DST: variants seen among roughly 807,000 people sequenced by gnomAD.
The protein encoded by DST is dystonin, also known as bullous pemphigoid antigen.
In DST, 253 loss-of-function variants were observed where a neutral mutation model predicts 875.2. The ratio of observed to expected loss-of-function variants is 0.29; its 90% CI spans 0.26 to 0.32. DST has a LOEUF of 0.32. DST is among the 10% of genes least tolerant of loss of function. DST has a pLI of 1.00. For synonymous variants in DST, 3,124 were observed against 3,197.1 expected, an observed-to-expected ratio of 0.98 and a Z score of 0.77; for missense variants, 8,287 against 9,111.6, an observed-to-expected ratio of 0.91 and a Z score of 3.68.
At chr6:56,836,933 T>C (rs1391256251) in intron 4 of DST, among the ~76,000 whole-genome samples, 1 of 151,846 alleles carries the variant, frequency 6.6e-6, no homozygotes, top group African/African-American at 2.4e-5. Flanking sequence ...TTAAAAATTA[T>C]TGAAATATAT....
Position 56,631,002 on chromosome 6 carries a change from C to T in DST, c.4142+209G>A, listed in dbSNP as rs185495484. ...TCCACCATGTTGGCCAAGCTGGTAC[C>T]GAACTCCTGACCTCAGGTGATTCAC... is the stretch of plus-strand genomic sequence containing the variant. On this transcript the variant is annotated intron_variant, in intron 30 of 103. Coordinates refer to ENST00000680361, the MANE Select transcript of DST (RefSeq NM_001374736.1). Among the ~76,000 whole-genome samples the T allele has an allele frequency of 5.8e-4, 88 of 152,042 alleles. 1 individual carries two copies. Among genetic ancestry groups the T allele is most frequent in the Admixed American group, 2.3e-3 (35 of 15,278 alleles).
Position 56,631,205 on chromosome 6 carries a change from A to G in DST, c.4142+6T>C, listed in dbSNP as rs369041973. 3 of 1,586,062 alleles carry G rather than the reference A, an allele frequency of 1.9e-6. No individual in the cohort carries two copies. The highest frequency in any genetic ancestry group is 2.7e-5 in the African/African-American group (2 of 74,402). Reference sequence around the variant, plus strand: ...CAATTTATATATTGAGATAGCAGTTACATACTTATCTATGTAAGTGGAAGA... The same window carrying G: ...CAATTTATATATTGAGATAGCAGTTGCATACTTATCTATGTAAGTGGAAGA... On this transcript the variant is annotated splice_donor_region_variant and intron_variant, in intron 30 of 103. Coordinates refer to ENST00000680361, the MANE Select transcript of DST (RefSeq NM_001374736.1).
rs564995338 is a variant in DST, at chr6:56,645,196, C to T, written c.1778+670G>A. Among the ~76,000 whole-genome samples, 114 of 152,298 alleles carry T rather than the reference C, an allele frequency of 7.5e-4. 1 individual carries two copies. The highest frequency in any genetic ancestry group is 1.3e-3 in the Non-Finnish European group (89 of 68,030). On this transcript the variant is annotated intron_variant, in intron 15 of 103. Transcript: ENST00000680361. ...CCCTGCAAGGTCTAGGTCCTATAGA[C>T]TTCATGGCTAATGAGGAACACAGAT...
chr6:56,822,976 C>T (rs905913748), intron 4 of DST, among the ~76,000 whole-genome samples: 4 of 151,838 alleles, frequency 2.6e-5, no homozygotes, highest in Non-Finnish European at 5.9e-5. Context: ...ACTACAGGTG[C>T]CCGCTACCAA....
chr6:56,582,847 T>A (rs2098045965), intron 49 of DST, among the ~76,000 whole-genome samples: 1 of 152,128 alleles, frequency 6.6e-6, no homozygotes, highest in African/African-American at 2.4e-5. Flanking sequence ...CATGCGGTGT[T>A]TGGTTTTTTG....
At position 56,536,886 on chromosome 6, in the gene DST, A is replaced by G. The variant is rs2152524543; in HGVS notation, c.16663T>C (p.Trp5555Arg). Reference sequence around the variant, plus strand: ...CTCTGAATAAGGCCTTGACCTAACCAGTTTACATCTTGCTGTTTACCTTGC... The same window carrying G: ...CTCTGAATAAGGCCTTGACCTAACCGGTTTACATCTTGCTGTTTACCTTGC... Reference protein sequence around the residue: ...PLQGKQQDVNWLGQGLIQSAA... With the variant: ...PLQGKQQDVNRLGQGLIQSAA... Residue 5555 changes from tryptophan to arginine, a missense_variant, in exon 62 of 104, where the codon TGG (tryptophan) becomes CGG (arginine). Trp to Arg is a moderately radical substitution (Grantham distance 101, BLOSUM62 -3). Around this residue, in one of 10 missense-constraint regions of DST, gnomAD observed 777 missense variants for 764.8 expected, o/e 1.02. Coordinates refer to ENST00000680361, the MANE Select transcript of DST (RefSeq NM_001374736.1). 1 of 1,613,886 alleles carries G rather than the reference A, an allele frequency of 6.2e-7. No individual in the cohort carries two copies. Among genetic ancestry groups the G allele is most frequent in the African/African-American group, 1.3e-5 (1 of 75,028 alleles).
rs762290980 is a variant in DST, at chr6:56,620,187, T to C, written c.4929+4343A>G. ...ATCAGCTTCAAGAGTTCTTCCTCATTGTCTCTCTTTCTTCTTAATTCTTCC... is the reference window on the plus strand; with the variant it reads ...ATCAGCTTCAAGAGTTCTTCCTCATCGTCTCTCTTTCTTCTTAATTCTTCC... On this transcript the variant is annotated intron_variant, in intron 36 of 103. Transcript: ENST00000680361. 4 of 1,613,610 alleles carry C rather than the reference T, an allele frequency of 2.5e-6. No homozygotes were observed. In the East Asian group the frequency reaches 8.9e-5, roughly 36 times the overall value.
At chr6:56,616,789 T>C in intron 36 of DST, 2 of 1,614,214 alleles carry the variant, frequency 1.2e-6, no homozygotes, top group Non-Finnish European at 1.7e-6. Flanking sequence ...CTTGAAACAC[T>C]GACAATGTCT....
intron 3 of DST, among the ~76,000 whole-genome samples, chr6:56,884,665 C>T (rs951153117): frequency 6.6e-6 from 1 of 152,138 alleles, no homozygotes; most frequent in Non-Finnish European, 1.5e-5. Context: ...ACTCCTGGTG[C>T]TGACATGATC....
intron 3 of DST, among the ~76,000 whole-genome samples, chr6:56,863,476 T>C (rs1303493512): frequency 1.3e-5 from 2 of 152,166 alleles, no homozygotes; most frequent in Non-Finnish European, 2.9e-5. Flanking sequence ...ACAGTGCCCA[T>C]CACAGGGCAG....
Position 56,553,252 on chromosome 6 carries a change from T to C in DST, c.15540A>G (p.Pro5180=), listed in dbSNP as rs368976790. The C allele has an allele frequency of 3.1e-5, 50 of 1,613,778 alleles. No individual in the cohort carries two copies. The African/African-American group carries it at 4.4e-4, about 14-fold the overall frequency. Reference sequence around the variant, plus strand: ...GGTTGTTTTGGCATTTGTCTATCCATGGCCAGAGAGTCTCTACTTGCTCTT... The same window carrying C: ...GGTTGTTTTGGCATTTGTCTATCCACGGCCAGAGAGTCTCTACTTGCTCTT... ...KYKEQVETLW[P]WIDKCQNNLE... Residue 5180 remains proline (P), a synonymous_variant, in exon 61 of 104, where the codon CCA becomes CCG. Transcript: ENST00000680361.
At position 56,555,514 on chromosome 6, in the gene DST, T is replaced by C. The variant is rs372933165; in HGVS notation, c.14967A>G (p.Thr4989=). 82 of 1,613,922 alleles carry C rather than the reference T, an allele frequency of 5.1e-5. No homozygotes were observed. Among genetic ancestry groups the C allele is most frequent in the Non-Finnish European group, 6.9e-5 (82 of 1,179,904 alleles). ...HPDAMNQQLE[T]AQKMKQEIQQ... is the part of the protein sequence containing the mutation. ...GTATCTCCTGCTTCATTTTTTGGGC[T>C]GTTTCCAACTGTTGGTTCATAGCAT... Residue 4989 remains threonine, a synonymous_variant, in exon 60 of 104, where the codon ACA becomes ACG. Coordinates refer to ENST00000680361, the MANE Select transcript of DST (RefSeq NM_001374736.1).
chr6:56,718,543 T>C (rs186737252), intron 5 of DST, among the ~76,000 whole-genome samples: 2 of 152,314 alleles, frequency 1.3e-5, no homozygotes, highest in Admixed American at 1.3e-4. Flanking sequence ...GACCCAACAA[T>C]TCCATTTCTA....
chr6:56,942,847 G>C (rs1365875707), intron 2 of DST, among the ~76,000 whole-genome samples: 1 of 150,962 alleles, frequency 6.6e-6, no homozygotes, highest in Non-Finnish European at 1.5e-5. Context: ...CTCCCAAGTA[G>C]TTAGGACTAT....
At chr6:56,933,255 C>G (rs1397314470) in intron 2 of DST, among the ~76,000 whole-genome samples, 1 of 152,186 alleles carries the variant, frequency 6.6e-6, no homozygotes, top group Admixed American at 6.5e-5. Flanking sequence ...TATGACCTGC[C>G]CCCACTTCAA....
rs148742064 is a variant in DST, at chr6:56,534,789, C to G, written c.16941+333G>C. Among the ~76,000 whole-genome samples, 552 of 152,248 alleles carry G rather than the reference C, an allele frequency of 3.6e-3. 5 individuals are homozygous for G. Among genetic ancestry groups the G allele is most frequent in the African/African-American group, 0.013 (535 of 41,554 alleles). On this transcript the variant is annotated intron_variant, in intron 63 of 103. Transcript: ENST00000680361. The stretch of plus-strand genomic sequence containing the variant: ...GCTTCCTGATGCCTCTCCCCGATCC[C>G]TGCTTTATTCATCACTTGCTAACTT...
chr6:56,916,130 T>C (rs904644290), intron 2 of DST, among the ~76,000 whole-genome samples: 1 of 152,162 alleles, frequency 6.6e-6, no homozygotes, highest in African/African-American at 2.4e-5. Flanking sequence ...GTCATGAATA[T>C]GTACAGGCAA....
chr6:56,915,783 TA>T, intron 2 of DST, among the ~76,000 whole-genome samples: 1 of 152,210 alleles, frequency 6.6e-6, no homozygotes, highest in African/African-American at 2.4e-5. Flanking sequence ...GAAGACAGAA[TA>T]AAGACCTAAA....
intron 2 of DST, among the ~76,000 whole-genome samples, chr6:56,932,503 G>A (rs751715892): frequency 7.9e-5 from 12 of 152,190 alleles, no homozygotes; most frequent in South Asian, 2.1e-4. Flanking sequence ...ACAGGCAGCC[G>A]GGAGGCAAGA....
Sources: gnomAD v4.1 joint callset for allele counts (sites outside exome capture counted in the v4.1 genomes callset) on GRCh38, gnomAD v4.1.1 for gene constraint, gnomAD v4.1.1 regional missense constraint, MANE v1.5 for transcripts, NCBI Gene and HGNC (gene_info 2026-07-23, HGNC 2026-07-21) for gene names.